The following BRD3 variants were observed in gnomAD, a reference collection of about 807,000 sequenced individuals.
BRD3 encodes bromodomain-containing protein 3.
BRD3 carries 17 observed loss-of-function variants against 66.8 expected under a neutral mutation model. That is an observed-to-expected ratio of 0.25 (90% confidence interval 0.17 to 0.38). The LOEUF (loss-of-function observed/expected upper bound fraction) is 0.38. BRD3 is among the 10% of genes least tolerant of loss of function. The pLI, the probability that BRD3 is intolerant of heterozygous loss-of-function variation, is 1.00. For missense variants in BRD3, 713 were observed against 956.1 expected (o/e 0.75, Z 3.35); for synonymous variants, 421 against 393.2 (o/e 1.07, Z -0.84).
chr9:134,044,325 A>C (rs1273148062), intron 7 of BRD3, among the ~76,000 whole-genome samples: 5 of 152,186 alleles, frequency 3.3e-5, no homozygotes, highest in Non-Finnish European at 7.4e-5. Context: ...CAGGACCCAC[A>C]GGGGGAACGA....
chr9:134,063,761 G>A (rs985253056), intron 1 of BRD3, among the ~76,000 whole-genome samples: 6 of 152,210 alleles, frequency 3.9e-5, no homozygotes, highest in Non-Finnish European at 7.3e-5. Flanking sequence ...GCCAGCAGCC[G>A]CCTCTGCAGA....
intron 8 of BRD3, 95 bp downstream of exon 8, chr9:134,041,665 A>G: frequency 7.0e-7 from 1 of 1,433,876 alleles, no homozygotes. Flanking sequence ...GGACAGGGGC[A>G]GAGGAAGGAA....
intron 9 of BRD3, chr9:134,036,585 A>G: frequency 6.2e-7 from 1 of 1,609,260 alleles, no homozygotes; most frequent in Non-Finnish European, 8.5e-7. Context: ...AGGTCAAGAA[A>G]TGATCTCTGT....
At chr9:134,051,738 G>A (rs773819204) in intron 3 of BRD3, 29 bp from the exon 4 acceptor site, 3 of 1,577,434 alleles carry the variant, frequency 1.9e-6, no homozygotes, top group East Asian at 2.3e-5. Flanking sequence ...CAGGTCACGT[G>A]TCAGGAAAGG....
Position 134,048,069 on chromosome 9 carries a change from G to A in BRD3, c.1086+14C>T, listed in dbSNP as rs77488991. 1,065 of 1,546,552 alleles carry A rather than the reference G, an allele frequency of 6.9e-4. 3 individuals carry two copies. The African/African-American group carries it at 0.011, about 15-fold the overall frequency. The stretch of plus-strand genomic sequence containing the variant: ...GGACATGGGCAGAGCAGGGCCTGCC[G>A]CGCGGCCACGTACTTTCACGGTGCT... On this transcript the variant is annotated intron_variant, in intron 6 of 11. Transcript: ENST00000303407.
chr9:134,051,867 G>GTTTTT (rs1564555734), intron 3 of BRD3, among the ~76,000 whole-genome samples, 158 bp from the exon 4 acceptor site: 1 of 113,026 alleles, frequency 8.8e-6, no homozygotes, highest in African/African-American at 4.1e-5. Context: ...GTGTGTGTGT[G>GTTTTT]TGTGTGTGTG....
At chr9:134,047,532 A>G (rs1334753233) in intron 6 of BRD3, among the ~76,000 whole-genome samples, 1 of 152,198 alleles carries the variant, frequency 6.6e-6, no homozygotes, top group East Asian at 1.9e-4. Flanking sequence ...GAGCCCAGGC[A>G]GAGGCTGCCG....
intron 5 of BRD3, 56 bp from the exon 6 acceptor site, chr9:134,048,510 G>A: frequency 1.3e-6 from 2 of 1,592,828 alleles, no homozygotes. Context: ...GAAGACGCAT[G>A]TCGCTGCAGC....
At chr9:134,048,728 C>T (rs913767007) in intron 5 of BRD3, among the ~76,000 whole-genome samples, 4 of 152,112 alleles carry the variant, frequency 2.6e-5, no homozygotes, top group Admixed American at 6.5e-5. Context: ...CCCTTAGCCC[C>T]GAGGGCTCAG....
At chr9:134,052,113 G>C (rs911957276) in intron 3 of BRD3, among the ~76,000 whole-genome samples, 193 bp downstream of exon 3, 1 of 152,038 alleles carries the variant, frequency 6.6e-6, no homozygotes, top group African/African-American at 2.4e-5. Context: ...GGCTGGTCTT[G>C]AACTCCTGAG....
intron 6 of BRD3, among the ~76,000 whole-genome samples, chr9:134,046,588 T>C (rs776308726): frequency 6.6e-6 from 1 of 152,122 alleles, no homozygotes; most frequent in Non-Finnish European, 1.5e-5. Context: ...AAGCCTCTGA[T>C]GTTGGGGGAA....
At chr9:134,064,940 C>G (rs77490990) in intron 1 of BRD3, among the ~76,000 whole-genome samples, 30 of 152,382 alleles carry the variant, frequency 2.0e-4, no homozygotes, top group African/African-American at 7.0e-4. Flanking sequence ...GACCCAAATG[C>G]ACCTGGCACC....
At chr9:134,065,237 A>G (rs7042991) in intron 1 of BRD3, among the ~76,000 whole-genome samples, 53,772 of 152,094 alleles carry the variant, frequency 0.35, 10,012 homozygotes, top group Middle Eastern at 0.53. Flanking sequence ...AGCCTGTCCA[A>G]CACAGTGAAA....
In BRD3 at chr9:134,053,409, G is replaced by C. The variant is rs149246539; in HGVS notation, c.69C>G (p.Pro23=). ...PATPGPVNPP[P]PEVSNPSKPG... is the part of the protein sequence containing the mutation. Reference sequence around the variant, plus strand: ...GCTTGCTGGGGTTGGAGACCTCCGGGGGGGGTGGGTTCACAGGGCCCGGGG... The same window carrying C: ...GCTTGCTGGGGTTGGAGACCTCCGGCGGGGGTGGGTTCACAGGGCCCGGGG... The change falls in exon 2 of 12, where the codon CCC becomes CCG. Residue 23 remains proline, a synonymous_variant. Transcript: ENST00000303407. The C allele has an allele frequency of 1.5e-4, 236 of 1,612,394 alleles. 4 individuals are homozygous for C. The highest frequency in any genetic ancestry group is 1.1e-3 in the South Asian group (98 of 91,080).
chr9:134,049,339 A>G (rs1178161035), intron 5 of BRD3, among the ~76,000 whole-genome samples: 1 of 152,190 alleles, frequency 6.6e-6, no homozygotes, highest in Non-Finnish European at 1.5e-5. Context: ...ATCTTAGCCC[A>G]GCGGGAGAGG....
chr9:134,047,900 C>T (rs1830209071), intron 6 of BRD3, 183 bp downstream of exon 6: 5 of 763,504 alleles, frequency 6.5e-6, no homozygotes, highest in Non-Finnish European at 9.9e-6. Context: ...AGGCAGAGCA[C>T]GCCTTCCTCG....
intron 4 of BRD3, among the ~76,000 whole-genome samples, chr9:134,051,267 G>C (rs968690538): frequency 6.6e-6 from 1 of 152,226 alleles, no homozygotes; most frequent in Non-Finnish European, 1.5e-5. Context: ...GGAGCTGGAA[G>C]GGGGAGCAGG....
intron 1 of BRD3, among the ~76,000 whole-genome samples, chr9:134,059,532 C>A (rs1830494641): frequency 6.6e-6 from 1 of 152,240 alleles, no homozygotes; most frequent in Non-Finnish European, 1.5e-5. Context: ...CTCCTTCACC[C>A]CTCGCAGCTG....
chr9:134,066,821 T>C (rs1044766532), intron 1 of BRD3, among the ~76,000 whole-genome samples: 18 of 152,224 alleles, frequency 1.2e-4, no homozygotes, highest in African/African-American at 3.6e-4. Flanking sequence ...TATCTATTTC[T>C]GAGCAGAAAG....
Sources: allele counts gnomAD v4.1 joint callset (sites outside exome capture counted in the v4.1 genomes callset), GRCh38; gene constraint gnomAD v4.1.1; transcripts MANE v1.5; gene names NCBI Gene and HGNC (gene_info 2026-07-23, HGNC 2026-07-21).